NANOS3: variants seen among roughly 807,000 people sequenced by gnomAD.
NANOS3 encodes the protein nanos C2HC-type zinc finger 3.
A neutral mutation model predicts 13.8 loss-of-function variants in NANOS3; 11 were observed. The ratio of observed to expected loss-of-function variants is 0.80; its 90% CI spans 0.50 to 1.32. The LOEUF (loss-of-function observed/expected upper bound fraction) is 1.32, where lower values mean the gene tolerates loss of function less well. Among genes scored for constraint, NANOS3 ranks in the 40% most tolerant of loss-of-function variants. The pLI is 0.00. For synonymous variants in NANOS3, 119 were observed against 115.4 expected, an observed-to-expected ratio of 1.03 and a Z score of -0.20; for missense variants, 221 against 263.8, an observed-to-expected ratio of 0.84 and a Z score of 1.12.
intron 1 of NANOS3, among the ~76,000 whole-genome samples, chr19:13,868,697 AG>A (rs1976279262): frequency 6.6e-6 from 1 of 150,548 alleles, no homozygotes; most frequent in South Asian, 2.1e-4. Context: ...AAAAAAAAAA[AG>A]AATGAAATCC....
At chr19:13,868,586 C>A (rs1365733053) in intron 1 of NANOS3, among the ~76,000 whole-genome samples, 1 of 150,988 alleles carries the variant, frequency 6.6e-6, no homozygotes, top group East Asian at 2.0e-4. Context: ...GAGGCTGAGG[C>A]GGGAGGATCG....
intron 1 of NANOS3, among the ~76,000 whole-genome samples, 199 bp from the exon 2 acceptor site, chr19:13,880,243 C>T (rs1382386890): frequency 6.6e-6 from 1 of 152,144 alleles, no homozygotes; most frequent in Non-Finnish European, 1.5e-5. Context: ...AGAATCGGAA[C>T]TCCTGTGCTT....
At chr19:13,874,880 C>T (rs750936790), upstream of NANOS3, 2 of 524,406 alleles carry the variant, frequency 3.8e-6, no homozygotes, top group Admixed American at 1.9e-5. Context: ...GGCACGTCCC[C>T]TCCCCTAGGC....
upstream of NANOS3, among the ~76,000 whole-genome samples, chr19:13,874,328 C>T (rs981784842): frequency 6.6e-6 from 1 of 152,228 alleles, no homozygotes; most frequent in Admixed American, 6.5e-5. Flanking sequence ...CAGGATCCTC[C>T]GTTGCCAGAC....
rs2016163 is a variant in NANOS3 at position 13,877,602 on chromosome 19, A to G, written c.354A>G (p.Thr118=). 0.25 allele frequency: 402,193 copies of G among 1,611,628 alleles called. 60,079 individuals carry two copies. Among genetic ancestry groups the G allele is most frequent in the African/African-American group, 0.71 (53,592 of 75,024 alleles). The part of the protein sequence containing the change: ...RDYVCPQCGA[T]RERAHTRRFC... ...ACGTGTGTCCCCAGTGCGGCGCCAC[A>G]CGTGAGCGCGCCCACACCCGACGCT... The change falls in exon 1 of 2, where the codon ACA becomes ACG. Residue 118 remains threonine, a synonymous_variant. Transcript: ENST00000339133.
intron 1 of NANOS3, among the ~76,000 whole-genome samples, chr19:13,871,568 G>T (rs904256363): frequency 6.6e-6 from 1 of 152,204 alleles, no homozygotes; most frequent in African/African-American, 2.4e-5. Flanking sequence ...CTCCTTGGCA[G>T]TTCAAGGCCA....
chr19:13,871,197 C>T (rs1264150564), intron 1 of NANOS3, among the ~76,000 whole-genome samples: 2 of 152,048 alleles, frequency 1.3e-5, no homozygotes, highest in African/African-American at 2.4e-5. Flanking sequence ...ATCACGGTCA[C>T]CAGTCACAGA....
At chr19:13,870,648 A>G (rs1389445775) in intron 1 of NANOS3, among the ~76,000 whole-genome samples, 3 of 143,826 alleles carry the variant, frequency 2.1e-5, no homozygotes, top group African/African-American at 5.3e-5. Context: ...GCTCACTGCA[A>G]TCTCTGCCTC....
chr19:13,879,740 A>C (rs1003752996), intron 1 of NANOS3, among the ~76,000 whole-genome samples: 1 of 141,910 alleles, frequency 7.0e-6, no homozygotes, highest in Admixed American at 6.9e-5. Flanking sequence ...AAAAAAAAAA[A>C]AGCACTGGTC....
At chr19:13,875,153 G>A, upstream of NANOS3, 3 of 304,042 alleles carry the variant, frequency 9.9e-6, no homozygotes, top group South Asian at 1.0e-4. Flanking sequence ...AGAGGGTTGG[G>A]GGTAAACAGG....
At chr19:13,875,332 A>G (rs140030089), upstream of NANOS3, among the ~76,000 whole-genome samples, 6 of 152,020 alleles carry the variant, frequency 3.9e-5, no homozygotes, top group African/African-American at 1.4e-4. Flanking sequence ...GATTACAGGC[A>G]TCTGCCACCA....
chr19:13,880,578 C>A lies in NANOS3; in HGVS notation c.*75C>A. 7.8e-7 allele frequency: 1 copy of A among 1,288,580 alleles called. No homozygotes were observed. The highest frequency in any genetic ancestry group is 1.1e-6 in the Non-Finnish European group (1 of 888,358). The allele number at this position is 1,288,580 out of a possible 1,614,324, so 79.8% of individuals were successfully genotyped here. A position where few individuals can be genotyped will look rare whatever the true frequency, so the allele number is the denominator to read the frequency against. ...GGAAGACCCACCCTATGACGACTGC[C>A]CCCACTCCCAGACCCTCCCCCCAGC... is the stretch of plus-strand genomic sequence containing the variant. On this transcript the variant is annotated 3_prime_UTR_variant, in exon 2 of 2. Coordinates refer to ENST00000339133, the MANE Select transcript of NANOS3 (RefSeq NM_001098622.3).
At chr19:13,865,864 G>A (rs2145063047) in intron 1 of NANOS3, among the ~76,000 whole-genome samples, 1 of 145,008 alleles carries the variant, frequency 6.9e-6, no homozygotes, top group South Asian at 2.3e-4. Context: ...GGCGAGCTTT[G>A]TTCTTGGGGG....
At chr19:13,870,411 CTCCATCCA>C (rs748114349) in intron 1 of NANOS3, among the ~76,000 whole-genome samples, 2 of 151,870 alleles carry the variant, frequency 1.3e-5, no homozygotes, top group African/African-American at 2.4e-5. Context: ...GTAGAGCTGC[CTCCATCCA>C]TCCATCCATC....
upstream of NANOS3, among the ~76,000 whole-genome samples, chr19:13,874,059 G>T (rs1968456650): frequency 6.6e-6 from 1 of 152,166 alleles, no homozygotes; most frequent in African/African-American, 2.4e-5. Context: ...CTCCGGAAGT[G>T]CCCGAGTTCA....
chr19:13,869,639 A>G (rs1010643086), intron 1 of NANOS3, among the ~76,000 whole-genome samples: 1 of 150,840 alleles, frequency 6.6e-6, no homozygotes, highest in African/African-American at 2.4e-5. Context: ...CATCACCGTG[A>G]CCCCACGGAG....
upstream of NANOS3, among the ~76,000 whole-genome samples, chr19:13,863,878 G>C (rs1454076116): frequency 6.6e-6 from 1 of 152,060 alleles, no homozygotes. Context: ...AACTGAGGCA[G>C]GACTGTGGTG....
chr19:13,878,248 A>T (rs981246184), intron 1 of NANOS3, among the ~76,000 whole-genome samples: 4 of 147,212 alleles, frequency 2.7e-5, no homozygotes, highest in Admixed American at 2.1e-4. Context: ...GTATTTATTT[A>T]TTTATCTTGA....
chr19:13,873,079 T>TCTAAGGGGGCGGGCC (rs1173783984), upstream of NANOS3, among the ~76,000 whole-genome samples: 1 of 151,558 alleles, frequency 6.6e-6, no homozygotes, highest in African/African-American at 2.4e-5. Context: ...TGTGGAGGGC[T>TCTAAGGGGGCGGGCC]CTAAGGGGGC....
Sources: gnomAD v4.1 joint callset for allele counts (sites outside exome capture counted in the v4.1 genomes callset) on GRCh38, gnomAD v4.1.1 for gene constraint, MANE v1.5 for transcripts, NCBI Gene and HGNC (gene_info 2026-07-23, HGNC 2026-07-21) for gene names.